TANGO6: variants seen among roughly 807,000 people sequenced by gnomAD.
The protein encoded by TANGO6 is transport and Golgi organization protein 6 homolog.
In TANGO6, 90 loss-of-function variants were observed where a neutral mutation model predicts 114.2. That is an observed-to-expected ratio of 0.79 (90% CI 0.66 to 0.94). TANGO6 has a LOEUF of 0.94. Ranked by LOEUF, TANGO6 falls within the 40% of genes least tolerant of loss-of-function variation. The pLI is 0.00. For synonymous variants in TANGO6, 477 were observed against 509.8 expected (o/e 0.94, Z 0.87); for missense variants, 1,274 against 1,315.3 (o/e 0.97, Z 0.49).
At chr16:68,917,792 A>G (rs1963027498) in intron 11 of TANGO6, among the ~76,000 whole-genome samples, 1 of 152,062 alleles carries the variant, frequency 6.6e-6, no homozygotes, top group African/African-American at 2.4e-5. Flanking sequence ...TCTCTCTGTC[A>G]CACAGGCTGG....
At chr16:68,892,479 A>G (rs1322350859) in intron 7 of TANGO6, among the ~76,000 whole-genome samples, 2 of 151,670 alleles carry the variant, frequency 1.3e-5, no homozygotes, top group Non-Finnish European at 2.9e-5. Context: ...TTTGTATTTG[A>G]AAAGCCACGG....
intron 11 of TANGO6, among the ~76,000 whole-genome samples, chr16:68,914,671 T>C (rs1372703315): frequency 2.0e-5 from 3 of 152,130 alleles, no homozygotes; most frequent in Non-Finnish European, 4.4e-5. Flanking sequence ...CCACAACATA[T>C]ATAAATTTTA....
At chr16:69,016,515 C>A (rs751332884) in intron 15 of TANGO6, among the ~76,000 whole-genome samples, 2 of 151,926 alleles carry the variant, frequency 1.3e-5, no homozygotes, top group Non-Finnish European at 2.9e-5. Context: ...GCTGTGTTTT[C>A]TAATTCCTTT....
intron 14 of TANGO6, among the ~76,000 whole-genome samples, chr16:68,939,959 CT>C (rs375620076): frequency 1.3e-5 from 2 of 152,190 alleles, no homozygotes; most frequent in African/African-American, 4.8e-5. Flanking sequence ...CAGGCATAAA[CT>C]GTGTAGCACC....
At chr16:69,056,997 C>CTTTTTTTTTTTT (rs71148961) in intron 17 of TANGO6, among the ~76,000 whole-genome samples, 5 of 59,822 alleles carry the variant, frequency 8.4e-5, no homozygotes, top group African/African-American at 1.4e-4. Context: ...GCCTGATTTT[C>CTTTTTTTTTTTT]TTTTTTTTTT....
At chr16:68,856,543 T>C (rs1004776309) in intron 1 of TANGO6, among the ~76,000 whole-genome samples, 1 of 152,206 alleles carries the variant, frequency 6.6e-6, no homozygotes, top group African/African-American at 2.4e-5. Context: ...TTAGAACAGC[T>C]TTTGGTTTAT....
At chr16:68,974,970 A>G (rs539712960) in intron 15 of TANGO6, among the ~76,000 whole-genome samples, 13 of 152,036 alleles carry the variant, frequency 8.6e-5, no homozygotes, top group African/African-American at 3.1e-4. Context: ...AGGTGGGAGG[A>G]TCACCTGAGC....
intron 17 of TANGO6, among the ~76,000 whole-genome samples, chr16:69,056,092 A>T (rs922955115): frequency 6.6e-6 from 1 of 152,194 alleles, no homozygotes; most frequent in African/African-American, 2.4e-5. Flanking sequence ...ATGAGGACTC[A>T]GTACCTTGCT....
intron 14 of TANGO6, among the ~76,000 whole-genome samples, chr16:68,960,345 G>T: frequency 1.4e-5 from 2 of 144,132 alleles, no homozygotes; most frequent in Non-Finnish European, 1.5e-5. Flanking sequence ...TGATCATCAT[G>T]GTGTTCTTAA....
intron 7 of TANGO6, among the ~76,000 whole-genome samples, chr16:68,899,166 T>A (rs1962750526): frequency 6.6e-6 from 1 of 152,034 alleles, no homozygotes. Context: ...CCTGGCTACC[T>A]GTGAGGCTGA....
intron 14 of TANGO6, among the ~76,000 whole-genome samples, chr16:68,947,033 A>G (rs2152203929): frequency 6.6e-6 from 1 of 152,314 alleles, no homozygotes. Context: ...TTTCAAGATT[A>G]CACAGCAAAT....
chr16:69,015,843 A>C (rs1287652148), intron 15 of TANGO6, among the ~76,000 whole-genome samples: 2 of 152,128 alleles, frequency 1.3e-5, no homozygotes, highest in Non-Finnish European at 2.9e-5. Context: ...CATAAATGGA[A>C]CGTTAAGTTG....
At chr16:68,852,776 G>C (rs938198511) in intron 1 of TANGO6, among the ~76,000 whole-genome samples, 4 of 152,232 alleles carry the variant, frequency 2.6e-5, no homozygotes, top group Non-Finnish European at 5.9e-5. Context: ...AAGGTACAGT[G>C]AATTGTGATT....
rs547786293 is a variant in TANGO6, at chr16:69,080,202, T to C, written c.3109-3283T>C. 5.3e-5 allele frequency among the ~76,000 whole-genome samples: 8 copies of C among 151,400 alleles called. No homozygotes were observed. The South Asian group carries it at 1.7e-3, about 32-fold the overall frequency. On this transcript the variant is annotated intron_variant, in intron 17 of 17. Coordinates refer to ENST00000261778, the MANE Select transcript of TANGO6 (RefSeq NM_024562.2). Reference sequence around the variant, plus strand: ...AAGTTATTTCCATATGTGCCAATTATACAAAGGATCTACAAAACATGTTAA... The same window carrying C: ...AAGTTATTTCCATATGTGCCAATTACACAAAGGATCTACAAAACATGTTAA...
chr16:68,965,130 A>G (rs1261116334), intron 14 of TANGO6, among the ~76,000 whole-genome samples: 2 of 151,882 alleles, frequency 1.3e-5, no homozygotes, highest in African/African-American at 2.4e-5. Context: ...CATTCTATGA[A>G]ATGCAAAATA....
intron 17 of TANGO6, among the ~76,000 whole-genome samples, chr16:69,065,635 A>G (rs1960204510): frequency 6.6e-6 from 1 of 152,188 alleles, no homozygotes; most frequent in African/African-American, 2.4e-5. Flanking sequence ...AAGGTTTTTG[A>G]AAAGCTCAGT....
chr16:68,880,673 T>C, intron 7 of TANGO6, 43 bp downstream of exon 7: 1 of 1,443,648 alleles, frequency 6.9e-7, no homozygotes, highest in South Asian at 1.4e-5. Context: ...ACTTCTTATT[T>C]AAAATTTTTT....
At chr16:68,893,376 C>A (rs1221254276) in intron 7 of TANGO6, among the ~76,000 whole-genome samples, 5 of 152,106 alleles carry the variant, frequency 3.3e-5, no homozygotes, top group Non-Finnish European at 1.5e-5. Flanking sequence ...CATACCCAAC[C>A]ATTATACCAT....
intron 15 of TANGO6, among the ~76,000 whole-genome samples, chr16:69,014,704 G>C (rs529416128): frequency 2.6e-5 from 4 of 151,884 alleles, no homozygotes; most frequent in Non-Finnish European, 5.9e-5. Context: ...AGACCAGCCT[G>C]GGCAACATAG....
Sources: allele counts gnomAD v4.1 joint callset (sites outside exome capture counted in the v4.1 genomes callset), GRCh38; gene constraint gnomAD v4.1.1; transcripts MANE v1.5; gene names NCBI Gene and HGNC (gene_info 2026-07-23, HGNC 2026-07-21).